BAAT: variants seen among roughly 807,000 people sequenced by gnomAD.
BAAT encodes bile acid-CoA:amino acid N-acyltransferase, also known as bile acid CoA: amino acid N-acyltransferase (glycine N-choloyltransferase).
A neutral mutation model predicts 18.9 loss-of-function variants in BAAT; 13 were observed. The ratio of observed to expected loss-of-function variants is 0.69; its 90% CI spans 0.45 to 1.10. The LOEUF (loss-of-function observed/expected upper bound fraction) is 1.10, where lower values mean the gene tolerates loss of function less well. Among genes scored for constraint, BAAT ranks in the 50% least tolerant of loss-of-function variants. The pLI is 0.00. For synonymous variants in BAAT, 170 were observed against 190.7 expected (o/e 0.89, Z 0.89); for missense variants, 489 against 504.0 (o/e 0.97, Z 0.28).
rs772913063 is a variant in BAAT at position 101,362,581 on chromosome 9, A to C, written c.1104T>G (p.Tyr368Ter). ...PGAGHLIEPP[Y>*]SPLCCASTTH... ...TCGTTGAGGCACAGCACAGAGGAGAATAGGGAGGTTCTATCAGGTGGCCTG... is the reference window on the plus strand; with the variant it reads ...TCGTTGAGGCACAGCACAGAGGAGACTAGGGAGGTTCTATCAGGTGGCCTG... The change falls in exon 4 of 4, where the codon TAT (tyrosine) becomes TAG (stop). Residue 368 changes from tyrosine (Y) to a stop codon, truncating the protein, a stop_gained. Transcript: ENST00000259407. LOFTEE classifies it low-confidence loss of function (END_TRUNC). 6.2e-7 allele frequency: 1 copy of C among 1,613,982 alleles called. No homozygotes were observed. The highest frequency in any genetic ancestry group is 1.3e-5 in the African/African-American group (1 of 74,896).
At chr9:101,374,618 G>A (rs1830008465) in intron 1 of BAAT, among the ~76,000 whole-genome samples, 1 of 152,058 alleles carries the variant, frequency 6.6e-6, no homozygotes, top group Non-Finnish European at 1.5e-5. Context: ...AGAAGGCCAA[G>A]ATTTGTCATG....
At chr9:101,374,840 T>TA (rs574393482) in intron 1 of BAAT, among the ~76,000 whole-genome samples, 312 of 146,960 alleles carry the variant, frequency 2.1e-3, no homozygotes, top group African/African-American at 5.0e-3. Context: ...CTGCTTTATT[T>TA]AAAAAAAAAA....
chr9:101,362,361 A>G lies in BAAT; in HGVS notation c.*67T>C. 6.6e-7 allele frequency: 1 copy of G among 1,513,522 alleles called. No homozygotes were observed. Among genetic ancestry groups the G allele is most frequent in the Non-Finnish European group, 9.1e-7 (1 of 1,098,138 alleles). 93.8% of individuals were successfully genotyped at this position (1,513,522 alleles called of 1,614,324 possible). On this transcript the variant is annotated 3_prime_UTR_variant, in exon 4 of 4. Transcript: ENST00000259407. ...TGGCAGCTGGGGGAGACATTCCGCCATGAAAATTGAGAGAAGGTCCCGGTA... is the reference window on the plus strand; with the variant it reads ...TGGCAGCTGGGGGAGACATTCCGCCGTGAAAATTGAGAGAAGGTCCCGGTA...
chr9:101,370,914 C>G, intron 2 of BAAT, 25 bp downstream of exon 2: 1 of 1,608,584 alleles, frequency 6.2e-7, no homozygotes, highest in Non-Finnish European at 8.5e-7. Flanking sequence ...ACAAGAATAA[C>G]AATAAGCAGA....
intron 3 of BAAT, among the ~76,000 whole-genome samples, chr9:101,363,951 G>A (rs1324385558): frequency 1.3e-5 from 2 of 152,164 alleles, no homozygotes; most frequent in East Asian, 3.9e-4. Context: ...CAAGGCTTTA[G>A]TGAGCTATGA....
intron 1 of BAAT, among the ~76,000 whole-genome samples, chr9:101,377,698 A>T (rs1001777321): frequency 6.6e-6 from 1 of 152,210 alleles, no homozygotes; most frequent in Non-Finnish European, 1.5e-5. Context: ...CCAGCACAAG[A>T]CAAGGATGTC....
intron 3 of BAAT, 21 bp downstream of exon 3, chr9:101,368,099 T>G (rs756258259): frequency 2.5e-6 from 4 of 1,605,654 alleles, no homozygotes; most frequent in African/African-American, 1.3e-5. Flanking sequence ...GACTCAAACC[T>G]ACTGAAAAGA....
At chr9:101,372,441 T>C (rs1488940822) in intron 1 of BAAT, among the ~76,000 whole-genome samples, 1 of 152,052 alleles carries the variant, frequency 6.6e-6, no homozygotes, top group Non-Finnish European at 1.5e-5. Context: ...AAAGCAAAAC[T>C]AGAAGCTGAC....
chr9:101,368,027 G>A, intron 3 of BAAT, 93 bp downstream of exon 3: 1 of 1,349,764 alleles, frequency 7.4e-7, no homozygotes, highest in Non-Finnish European at 1.0e-6. Context: ...ACTCCAGCCT[G>A]GGTGACGGAG....
chr9:101,363,070 C>A (rs2119014571), intron 3 of BAAT, 55 bp from the exon 4 acceptor site: 1 of 1,528,488 alleles, frequency 6.5e-7, no homozygotes, highest in Non-Finnish European at 9.0e-7. Context: ...AGGAAAACTC[C>A]ACAATCTCAA....
intron 3 of BAAT, among the ~76,000 whole-genome samples, chr9:101,365,479 C>G (rs1300203813): frequency 6.6e-6 from 1 of 151,594 alleles, no homozygotes; most frequent in African/African-American, 2.4e-5. Flanking sequence ...ATTAAAAGTT[C>G]CTTTCAAGCT....
intron 2 of BAAT, 136 bp downstream of exon 2, chr9:101,370,803 A>C: frequency 6.3e-6 from 6 of 945,050 alleles, no homozygotes; most frequent in Non-Finnish European, 1.0e-5. Flanking sequence ...CTGGAGGGAT[A>C]ATGCATTTAA....
chr9:101,370,201 T>C (rs1829907507), intron 2 of BAAT, among the ~76,000 whole-genome samples: 1 of 152,028 alleles, frequency 6.6e-6, no homozygotes, highest in Non-Finnish European at 1.5e-5. Context: ...ATTAGAGCTA[T>C]AAGATAAGGC....
chr9:101,383,960 C>T (rs1830167699), intron 1 of BAAT, among the ~76,000 whole-genome samples: 1 of 152,120 alleles, frequency 6.6e-6, no homozygotes, highest in East Asian at 1.9e-4. Flanking sequence ...TTGGGGAGGA[C>T]CAAATCTCCT....
At chr9:101,364,945 A>G (rs1009833808) in intron 3 of BAAT, among the ~76,000 whole-genome samples, 1 of 152,244 alleles carries the variant, frequency 6.6e-6, no homozygotes, top group Admixed American at 6.5e-5. Context: ...TCTGACTTGC[A>G]TAAATGGAGG....
At chr9:101,368,904 G>A (rs1015575486) in intron 2 of BAAT, among the ~76,000 whole-genome samples, 1 of 152,124 alleles carries the variant, frequency 6.6e-6, no homozygotes, top group South Asian at 2.1e-4. Context: ...TTAAATGATT[G>A]TATTAGCTAA....
intron 1 of BAAT, among the ~76,000 whole-genome samples, chr9:101,384,199 T>C (rs942998169): frequency 4.6e-5 from 7 of 152,200 alleles, no homozygotes; most frequent in African/African-American, 1.4e-4. Flanking sequence ...ACTATTAAGC[T>C]ACTACCTTGC....
chr9:101,372,115 G>A (rs943491171), intron 1 of BAAT, among the ~76,000 whole-genome samples: 6 of 152,156 alleles, frequency 3.9e-5, no homozygotes, highest in East Asian at 3.9e-4. Flanking sequence ...GGGTACACAC[G>A]GACATTGGGA....
intron 1 of BAAT, among the ~76,000 whole-genome samples, chr9:101,383,107 T>A (rs954134628): frequency 6.6e-6 from 1 of 152,168 alleles, no homozygotes; most frequent in South Asian, 2.1e-4. Context: ...TAGGCAATAG[T>A]CTTTTAAAAG....
Sources: gnomAD v4.1 joint callset for allele counts (sites outside exome capture counted in the v4.1 genomes callset) on GRCh38, gnomAD v4.1.1 for gene constraint, MANE v1.5 for transcripts, NCBI Gene and HGNC (gene_info 2026-07-23, HGNC 2026-07-21) for gene names.